Variants in EFCAB6 observed in about 807,000 individuals in gnomAD.
EFCAB6 encodes the protein EF-hand calcium binding domain 6.
In EFCAB6, 156 loss-of-function variants were observed where a neutral mutation model predicts 169.8. The observed-to-expected ratio is 0.92, with a 90% CI of 0.81 to 1.05. EFCAB6 has a LOEUF of 1.05. EFCAB6 is among the 50% of genes least tolerant of loss of function. The pLI, the probability that EFCAB6 is intolerant of heterozygous loss-of-function variation, is 0.00. For missense variants in EFCAB6, 1,800 were observed against 1,829.1 expected (o/e 0.98, Z 0.29); for synonymous variants, 698 against 676.4 (o/e 1.03, Z -0.50).
intron 4 of EFCAB6, among the ~76,000 whole-genome samples, chr22:43,770,737 G>C (rs1024363000): frequency 5.9e-5 from 9 of 152,022 alleles, no homozygotes; most frequent in Admixed American, 5.9e-4. Flanking sequence ...TCAGGGGCCA[G>C]TGGGACAATA....
intron 23 of EFCAB6, among the ~76,000 whole-genome samples, chr22:43,598,618 G>T (rs2052242268): frequency 1.3e-5 from 2 of 152,184 alleles, no homozygotes; most frequent in South Asian, 4.1e-4. Flanking sequence ...AGATTTAATT[G>T]TATATTTAAA....
chr22:43,775,801 A>G (rs1173644566), intron 3 of EFCAB6, among the ~76,000 whole-genome samples: 1 of 152,198 alleles, frequency 6.6e-6, no homozygotes, highest in Non-Finnish European at 1.5e-5. Flanking sequence ...GAGGAGGCCA[A>G]GGAGCCACCC....
chr22:43,800,645 A>G (rs1448561688), intron 2 of EFCAB6, among the ~76,000 whole-genome samples: 1 of 152,208 alleles, frequency 6.6e-6, no homozygotes, highest in Non-Finnish European at 1.5e-5. Flanking sequence ...ATTTTTTAAA[A>G]ATCAAGTGGA....
At chr22:43,642,807 G>A (rs1043620505) in intron 17 of EFCAB6, among the ~76,000 whole-genome samples, 10 of 152,156 alleles carry the variant, frequency 6.6e-5, no homozygotes, top group South Asian at 2.1e-4. Context: ...TGCACAGGCC[G>A]CAGGATATTG....
At chr22:43,611,621 A>C (rs746669961) in intron 21 of EFCAB6, among the ~76,000 whole-genome samples, 12 of 152,002 alleles carry the variant, frequency 7.9e-5, no homozygotes, top group Non-Finnish European at 1.5e-4. Context: ...ACATGGCGAA[A>C]CCCTATCTCC....
chr22:43,763,809 T>G (rs187049667), intron 5 of EFCAB6, among the ~76,000 whole-genome samples: 1 of 152,204 alleles, frequency 6.6e-6, no homozygotes, highest in Non-Finnish European at 1.5e-5. Flanking sequence ...TCTCACTTTG[T>G]CACCCAGGCT....
chr22:43,646,679 TTAAAAA>T (rs1332849637), intron 17 of EFCAB6, among the ~76,000 whole-genome samples: 1 of 152,170 alleles, frequency 6.6e-6, no homozygotes, highest in East Asian at 1.9e-4. Flanking sequence ...GCATCTACAT[TTAAAAA>T]TAAAAATAAA....
At chr22:43,600,638 G>A (rs934661383) in intron 22 of EFCAB6, among the ~76,000 whole-genome samples, 3 of 131,624 alleles carry the variant, frequency 2.3e-5, no homozygotes, top group Non-Finnish European at 3.3e-5. Context: ...CCCTCCATAC[G>A]TTTAGCAGGG....
At chr22:43,642,933 A>C (rs1338641664) in intron 17 of EFCAB6, among the ~76,000 whole-genome samples, 1 of 152,228 alleles carries the variant, frequency 6.6e-6, no homozygotes, top group Non-Finnish European at 1.5e-5. Context: ...GGCGCAGGGC[A>C]TCTCAGATAA....
chr22:43,703,771 G>A (rs1008793446), intron 10 of EFCAB6, among the ~76,000 whole-genome samples: 1 of 151,230 alleles, frequency 6.6e-6, no homozygotes, highest in African/African-American at 2.4e-5. Context: ...GCTGAAGAAG[G>A]AATCAATGAG....
rs189661101 is a variant in EFCAB6, at chr22:43,653,691, G to A, written c.1983+13413C>T. ...AAGCCACTGAGACCAGAAACTGGTA[G>A]GGATACCTAAGTGGTAATTTTGACA... On this transcript the variant is annotated intron_variant, in intron 17 of 31. Coordinates refer to ENST00000262726, the MANE Select transcript of EFCAB6 (RefSeq NM_022785.4). 2.8e-3 allele frequency among the ~76,000 whole-genome samples: 433 copies of A among 152,304 alleles called. 2 individuals carry two copies. Among genetic ancestry groups the A allele is most frequent in the Middle Eastern group, 0.027 (8 of 294 alleles).
At chr22:43,604,521 C>T (rs539589816) in intron 22 of EFCAB6, among the ~76,000 whole-genome samples, 1 of 152,354 alleles carries the variant, frequency 6.6e-6, no homozygotes, top group African/African-American at 2.4e-5. Context: ...TCGCATCCCA[C>T]TGAATCTTCC....
At chr22:43,754,749 T>A (rs1700930361) in intron 6 of EFCAB6, among the ~76,000 whole-genome samples, 1 of 152,210 alleles carries the variant, frequency 6.6e-6, no homozygotes, top group Non-Finnish European at 1.5e-5. Flanking sequence ...ATGTTTCTGC[T>A]GCTGTGATAA....
intron 15 of EFCAB6, 54 bp from the exon 16 acceptor site, chr22:43,669,099 A>G: frequency 6.9e-7 from 1 of 1,452,482 alleles, no homozygotes; most frequent in Non-Finnish European, 9.1e-7. Context: ...AAAACGGAAA[A>G]GACTGACCCT....
At chr22:43,754,839 T>G (rs542486535) in intron 6 of EFCAB6, among the ~76,000 whole-genome samples, 3 of 152,276 alleles carry the variant, frequency 2.0e-5, no homozygotes, top group Non-Finnish European at 4.4e-5. Context: ...TACCCCTAAG[T>G]AATATCAATT....
chr22:43,686,150 T>C (rs2058187306), intron 11 of EFCAB6, among the ~76,000 whole-genome samples: 1 of 152,100 alleles, frequency 6.6e-6, no homozygotes, highest in Non-Finnish European at 1.5e-5. Flanking sequence ...CCTGGCTAAT[T>C]TTGTATTTTA....
In EFCAB6 at chr22:43,668,852, T is replaced by C. The variant is rs765393583; in HGVS notation, c.1814+20A>G. The C allele has an allele frequency of 6.4e-7, 1 of 1,570,580 alleles. No individual in the cohort carries two copies. The highest frequency in any genetic ancestry group is 8.6e-7 in the Non-Finnish European group (1 of 1,157,342). On this transcript the variant is annotated intron_variant, in intron 16 of 31. Transcript: ENST00000262726. ...AGACACTGTGGTTTTGATATGTGCA[T>C]TCATTTTGCTTAATTTTACCTCTCA...
In EFCAB6 at chr22:43,757,469, C is replaced by T. The variant is rs1276166944; in HGVS notation, c.441-1637G>A. Among the ~76,000 whole-genome samples, 3 of 152,150 alleles carry T rather than the reference C, an allele frequency of 2.0e-5. No individual in the cohort carries two copies. The South Asian group carries it at 6.2e-4, about 32-fold the overall frequency. On this transcript the variant is annotated intron_variant, in intron 5 of 31. Transcript: ENST00000262726. ...GGCTGAGGCAAGAGCATCACTTGAA[C>T]CCGGGAGGCAGAGGTTGCGGTGAGC...
At chr22:43,753,636 T>G (rs1165720139) in intron 6 of EFCAB6, among the ~76,000 whole-genome samples, 1 of 152,096 alleles carries the variant, frequency 6.6e-6, no homozygotes, top group Admixed American at 6.5e-5. Context: ...TGAGCGTCGG[T>G]TGGAGGGTCT....
Sources: gnomAD v4.1 joint callset for allele counts (sites outside exome capture counted in the v4.1 genomes callset) on GRCh38, gnomAD v4.1.1 for gene constraint, MANE v1.5 for transcripts, NCBI Gene and HGNC (gene_info 2026-07-23, HGNC 2026-07-21) for gene names.